NFIC: variants seen among roughly 807,000 people sequenced by gnomAD.
NFIC encodes the protein nuclear factor I C.
NFIC carries 12 observed loss-of-function variants against 54.4 expected under a neutral mutation model. The ratio of observed to expected loss-of-function variants is 0.22; its 90% CI spans 0.14 to 0.36. NFIC has a LOEUF of 0.36. Ranked by LOEUF, NFIC falls within the 10% of genes least tolerant of loss-of-function variation. The pLI is 1.00. For missense variants in NFIC, 575 were observed against 718.2 expected (o/e 0.80, Z 2.28); for synonymous variants, 322 against 319.2 (o/e 1.01, Z -0.09).
In NFIC at chr19:3,388,720, C is replaced by T. The variant is rs145824346; in HGVS notation, c.562+6477C>T. 4.7e-4 allele frequency among the ~76,000 whole-genome samples: 71 copies of T among 151,932 alleles called. No homozygotes were observed. The East Asian group carries it at 0.012, about 26-fold the overall frequency. ...GTGTGTACCTGTAGTCCCAGCTACT[C>T]GGGAGGCTGAGGCAGGAGGATGGCT... On this transcript the variant is annotated intron_variant, in intron 2 of 10. Coordinates refer to ENST00000443272, the MANE Select transcript of NFIC (RefSeq NM_001245002.2).
At chr19:3,423,079 T>G (rs2081977394) in intron 2 of NFIC, among the ~76,000 whole-genome samples, 1 of 152,010 alleles carries the variant, frequency 6.6e-6, no homozygotes, top group Non-Finnish European at 1.5e-5. Flanking sequence ...GCGCCTGTAA[T>G]CTCAGCTACT....
rs1430922023 is a variant in NFIC, at chr19:3,463,567, C to G, written c.*798C>G. Reference sequence around the variant, plus strand: ...CTCGCTGTCTCGCTGGGGACTCTTTCAGCCCTCGCGCCCGCCCGTTTGGGA... The same window carrying G: ...CTCGCTGTCTCGCTGGGGACTCTTTGAGCCCTCGCGCCCGCCCGTTTGGGA... On this transcript the variant is annotated 3_prime_UTR_variant, in exon 11 of 11. Coordinates refer to ENST00000443272, the MANE Select transcript of NFIC (RefSeq NM_001245002.2). 1 of 984,700 alleles carries G rather than the reference C, an allele frequency of 1.0e-6. No homozygotes were observed. The highest frequency in any genetic ancestry group is 1.2e-6 in the Non-Finnish European group (1 of 829,772). 61.0% of individuals were successfully genotyped at this position (984,700 alleles called of 1,614,324 possible).
At chr19:3,407,660 T>G (rs2145559196) in intron 2 of NFIC, among the ~76,000 whole-genome samples, 1 of 151,710 alleles carries the variant, frequency 6.6e-6, no homozygotes, top group Non-Finnish European at 1.5e-5. Flanking sequence ...GAGCTGGAAC[T>G]CCTGACCTTG....
intron 1 of NFIC, among the ~76,000 whole-genome samples, chr19:3,381,432 TC>T (rs2081205428): frequency 6.7e-6 from 1 of 148,712 alleles, no homozygotes. Flanking sequence ...TCCACAAACT[TC>T]CGCCTTGATT....
chr19:3,443,306 C>T (rs2082321121), intron 6 of NFIC, among the ~76,000 whole-genome samples: 1 of 151,924 alleles, frequency 6.6e-6, no homozygotes, highest in African/African-American at 2.4e-5. Context: ...CCTGTAGTCC[C>T]AGCTACTCGA....
intron 2 of NFIC, among the ~76,000 whole-genome samples, chr19:3,396,629 C>T (rs2081469025): frequency 6.6e-6 from 1 of 152,070 alleles, no homozygotes; most frequent in Non-Finnish European, 1.5e-5. Flanking sequence ...CACGGCCGCT[C>T]GTAGCCCAGA....
At chr19:3,437,156 A>G (rs2082215967) in intron 6 of NFIC, among the ~76,000 whole-genome samples, 1 of 152,068 alleles carries the variant, frequency 6.6e-6, no homozygotes, top group Admixed American at 6.6e-5. Flanking sequence ...TCACGAGGTC[A>G]GGAGATCGAG....
intron 2 of NFIC, among the ~76,000 whole-genome samples, chr19:3,408,712 C>T (rs2081698488): frequency 6.6e-6 from 1 of 152,180 alleles, no homozygotes. Flanking sequence ...AGCAGTTCTC[C>T]TGCCTCAGCC....
chr19:3,443,645 T>TG (rs1023621610), intron 6 of NFIC, among the ~76,000 whole-genome samples: 9 of 152,036 alleles, frequency 5.9e-5, no homozygotes, highest in Non-Finnish European at 1.0e-4. Context: ...CAGAGTCTCT[T>TG]GGGGGTCCAT....
In NFIC at chr19:3,369,265, T is replaced by C. The variant is rs2080954751; in HGVS notation, c.30+2599T>C. Among the ~76,000 whole-genome samples the C allele has an allele frequency of 6.6e-6, 1 of 150,846 alleles. No homozygotes were observed. Among genetic ancestry groups the C allele is most frequent in the Non-Finnish European group, 1.5e-5 (1 of 67,856 alleles). On this transcript the variant is annotated intron_variant, in intron 1 of 10. Coordinates refer to ENST00000443272, the MANE Select transcript of NFIC (RefSeq NM_001245002.2). This position sits in a 1 kb window ranked among gnomAD's most constrained non-coding sequence, Gnocchi z 4.3. The stretch of plus-strand genomic sequence containing the variant: ...TCTGTCTCTGTTTCTCTCCAATATG[T>C]CTGTCTGTCTCTTCATCTCTGTCTC...
At chr19:3,392,097 A>G (rs140390599) in intron 2 of NFIC, among the ~76,000 whole-genome samples, 14 of 104,246 alleles carry the variant, frequency 1.3e-4, no homozygotes, top group African/African-American at 5.6e-4. Flanking sequence ...TTTGAGATGG[A>G]GTCTTGCTCT....
rs1277504865 is a variant in NFIC at position 3,369,481 on chromosome 19, G to A, written c.30+2815G>A. On this transcript the variant is annotated intron_variant, in intron 1 of 10. Transcript: ENST00000443272. The surrounding 1 kb of genome is among the most constrained non-coding windows in gnomAD (Gnocchi z 4.3). Reference sequence around the variant, plus strand: ...AAAATAGCTCCCTTTTAGCTGATCCGACCCGGATCCTTCTCGGGAGCCGAG... The same window carrying A: ...AAAATAGCTCCCTTTTAGCTGATCCAACCCGGATCCTTCTCGGGAGCCGAG... Among the ~76,000 whole-genome samples, 6 of 151,576 alleles carry A rather than the reference G, an allele frequency of 4.0e-5. No homozygotes were observed. The highest frequency in any genetic ancestry group is 7.4e-5 in the Non-Finnish European group (5 of 67,846).
chr19:3,460,067 G>C (rs954946512), intron 10 of NFIC, among the ~76,000 whole-genome samples: 5 of 152,228 alleles, frequency 3.3e-5, no homozygotes, highest in Non-Finnish European at 7.3e-5. Context: ...GGCCGGAGCT[G>C]TCCCCAAATG....
In NFIC at chr19:3,370,202, C is replaced by G. The variant is rs1384254849; in HGVS notation, c.30+3536C>G. 6.6e-6 allele frequency among the ~76,000 whole-genome samples: 1 copy of G among 152,104 alleles called. No homozygotes were observed. The highest frequency in any genetic ancestry group is 6.5e-5 in the Admixed American group (1 of 15,280). On this transcript the variant is annotated intron_variant, in intron 1 of 10. Transcript: ENST00000443272. This position sits in a 1 kb window ranked among gnomAD's most constrained non-coding sequence, Gnocchi z 5.2. Reference sequence around the variant, plus strand: ...GGGCCAGGGCCTGCCCGAGGTGGCACAGTGGGGCTGGCAGAGCTGGGGTTC... The same window carrying G: ...GGGCCAGGGCCTGCCCGAGGTGGCAGAGTGGGGCTGGCAGAGCTGGGGTTC...
chr19:3,423,350 G>A (rs1450511773), intron 2 of NFIC, among the ~76,000 whole-genome samples: 1 of 152,186 alleles, frequency 6.6e-6, no homozygotes, highest in African/African-American at 2.4e-5. Context: ...TTGTGCCCAC[G>A]TGGAAGATGA....
At chr19:3,371,888 C>CTTCCTTCT (rs1568399928) in intron 1 of NFIC, among the ~76,000 whole-genome samples, 9 of 70,674 alleles carry the variant, frequency 1.3e-4, no homozygotes, top group African/African-American at 4.2e-4. Context: ...TCTCTCCTTC[C>CTTCCTTCT]TTCCTTCCTT....
At chr19:3,367,302 C>T (rs573162098) in intron 1 of NFIC, among the ~76,000 whole-genome samples, 71 of 152,306 alleles carry the variant, frequency 4.7e-4, no homozygotes, top group African/African-American at 1.5e-3. Flanking sequence ...TGGGTCCCCC[C>T]TCCTTTGCAA....
At chr19:3,409,732 G>C (rs775253013) in intron 2 of NFIC, among the ~76,000 whole-genome samples, 1 of 152,218 alleles carries the variant, frequency 6.6e-6, no homozygotes, top group Non-Finnish European at 1.5e-5. Context: ...TCACAGCCAC[G>C]GACAGGAGAG....
chr19:3,382,191 C>T lies in NFIC; in HGVS notation c.510C>T (p.Gly170=), dbSNP rs1472761540. ...PVLCVQPHHI[G]VAVKELDLYL... is the part of the protein sequence containing the mutation. ...TGTGCGTGCAGCCGCACCACATTGGCGTGGCCGTCAAGGAGCTGGACCTCT... is the reference window on the plus strand; with the variant it reads ...TGTGCGTGCAGCCGCACCACATTGGTGTGGCCGTCAAGGAGCTGGACCTCT... Residue 170 remains glycine (G), a synonymous_variant, in exon 2 of 11, where the codon GGC becomes GGT. Transcript: ENST00000443272. 8 of 1,610,366 alleles carry T rather than the reference C, an allele frequency of 5.0e-6. No homozygotes were observed. The highest frequency in any genetic ancestry group is 1.1e-5 in the South Asian group (1 of 91,040).
Sources: gnomAD v4.1 joint callset for allele counts (sites outside exome capture counted in the v4.1 genomes callset) on GRCh38, gnomAD v4.1.1 for gene constraint, Gnocchi (gnomAD v3.1) non-coding constraint, MANE v1.5 for transcripts, NCBI Gene and HGNC (gene_info 2026-07-23, HGNC 2026-07-21) for gene names.